The following CPA6 variants were observed in gnomAD, a reference collection of about 807,000 sequenced individuals.
The protein encoded by CPA6 is carboxypeptidase A6.
In CPA6, 58 loss-of-function variants were observed where a neutral mutation model predicts 63.3. The observed-to-expected ratio is 0.92, with a 90% CI of 0.74 to 1.14. CPA6 has a LOEUF of 1.14. Ranked by LOEUF, CPA6 falls within the 50% of genes most tolerant of loss-of-function variation. The pLI, the probability that CPA6 is intolerant of heterozygous loss-of-function variation, is 0.00. For missense variants in CPA6, 565 were observed against 526.6 expected (o/e 1.07, Z -0.71); for synonymous variants, 185 against 179.0 (o/e 1.03, Z -0.27).
intron 2 of CPA6, among the ~76,000 whole-genome samples, chr8:67,558,769 A>C (rs1277425743): frequency 6.6e-6 from 1 of 152,226 alleles, no homozygotes; most frequent in East Asian, 1.9e-4. Flanking sequence ...GAACCAGGCA[A>C]ATGCACATCA....
intron 2 of CPA6, among the ~76,000 whole-genome samples, chr8:67,601,295 C>T (rs1373293794): frequency 6.6e-6 from 1 of 152,146 alleles, no homozygotes; most frequent in African/African-American, 2.4e-5. Context: ...ATGCTTAACC[C>T]TGCTATAGAT....
At chr8:67,569,484 A>T in intron 2 of CPA6, 1 of 368,958 alleles carries the variant, frequency 2.7e-6, no homozygotes, top group Non-Finnish European at 5.6e-6. Context: ...AGGCTAAGAC[A>T]GGGTCTGTAA....
At chr8:67,641,198 G>C (rs1217809783) in intron 1 of CPA6, among the ~76,000 whole-genome samples, 1 of 151,792 alleles carries the variant, frequency 6.6e-6, no homozygotes, top group Non-Finnish European at 1.5e-5. Context: ...AACCTACCAA[G>C]ATAAAATTAA....
At chr8:67,644,340 G>C (rs1815666330) in intron 1 of CPA6, among the ~76,000 whole-genome samples, 1 of 152,090 alleles carries the variant, frequency 6.6e-6, no homozygotes, top group Non-Finnish European at 1.5e-5. Context: ...GGATGGTCTC[G>C]ATCTCCTGAC....
At chr8:67,448,062 G>A (rs1399456933) in intron 8 of CPA6, among the ~76,000 whole-genome samples, 1 of 152,232 alleles carries the variant, frequency 6.6e-6, no homozygotes, top group African/African-American at 2.4e-5. Context: ...TGGGATTACA[G>A]GTGTGAGCCA....
At chr8:67,621,509 G>C (rs535118424) in intron 2 of CPA6, among the ~76,000 whole-genome samples, 1 of 152,308 alleles carries the variant, frequency 6.6e-6, no homozygotes, top group African/African-American at 2.4e-5. Flanking sequence ...TTGGGTCCTA[G>C]AGGGCTTGAC....
rs1811437940 is a variant in CPA6 at position 67,484,706 on chromosome 8, G to C, written c.720C>G (p.Val240=). The change falls in exon 7 of 11, where the codon GTC becomes GTG. Residue 240 remains valine (V), a synonymous_variant. Transcript: ENST00000297770. ...LYFYIMPVFN[V]DGYHFSWTND... Reference sequence around the variant, plus strand: ...TGGTCCAACTAAAATGGTATCCATCGACGTTAAACACAGGCATGATATAGA... The same window carrying C: ...TGGTCCAACTAAAATGGTATCCATCCACGTTAAACACAGGCATGATATAGA... 1 of 1,601,388 alleles carries C rather than the reference G, an allele frequency of 6.2e-7. No individual in the cohort carries two copies. Among genetic ancestry groups the C allele is most frequent in the Non-Finnish European group, 8.6e-7 (1 of 1,168,942 alleles).
chr8:67,442,133 T>C (rs993841663), intron 8 of CPA6, among the ~76,000 whole-genome samples: 2 of 152,058 alleles, frequency 1.3e-5, no homozygotes, highest in African/African-American at 4.8e-5. Context: ...TGTAATAATA[T>C]AAAGGGCTTA....
intron 2 of CPA6, among the ~76,000 whole-genome samples, chr8:67,534,175 C>T (rs932577480): frequency 6.6e-6 from 1 of 152,210 alleles, no homozygotes; most frequent in Non-Finnish European, 1.5e-5. Flanking sequence ...GCTCAAGGAC[C>T]TTGCACATAG....
At chr8:67,461,460 A>G (rs374470497) in intron 8 of CPA6, among the ~76,000 whole-genome samples, 2 of 150,884 alleles carry the variant, frequency 1.3e-5, no homozygotes, top group Non-Finnish European at 3.0e-5. Flanking sequence ...CATGTCTACT[A>G]CTTTCTACAC....
chr8:67,603,042 G>C (rs1442022046), intron 2 of CPA6, among the ~76,000 whole-genome samples: 1 of 152,152 alleles, frequency 6.6e-6, no homozygotes, highest in Non-Finnish European at 1.5e-5. Flanking sequence ...AAGAAGCTAA[G>C]TGTGACAAAA....
At position 67,684,063 on chromosome 8, in the gene CPA6, T is replaced by A. The variant is rs549840767; in HGVS notation, c.117-59812A>T. ...ATTTTATTTATTTATTTATTTTTTT[T>A]TTTTGTAGAGATGGGGTTTTGCTAT... On this transcript the variant is annotated intron_variant, in intron 1 of 10. Coordinates refer to ENST00000297770, the MANE Select transcript of CPA6 (RefSeq NM_020361.5). 2.8e-3 allele frequency among the ~76,000 whole-genome samples: 413 copies of A among 146,996 alleles called. 4 individuals are homozygous for A. Among genetic ancestry groups the A allele is most frequent in the African/African-American group, 9.5e-3 (383 of 40,314 alleles).
chr8:67,667,962 G>C (rs567725480), intron 1 of CPA6, among the ~76,000 whole-genome samples: 1 of 152,192 alleles, frequency 6.6e-6, no homozygotes, highest in Non-Finnish European at 1.5e-5. Context: ...CAGTAGCCAC[G>C]GCCACACATC....
intron 8 of CPA6, among the ~76,000 whole-genome samples, chr8:67,447,503 G>GTA (rs1448306840): frequency 8.8e-6 from 1 of 113,368 alleles, no homozygotes; most frequent in African/African-American, 3.6e-5. Context: ...AGATATGTGT[G>GTA]TATACACACA....
intron 1 of CPA6, among the ~76,000 whole-genome samples, chr8:67,635,569 A>T (rs1815449329): frequency 6.6e-6 from 1 of 151,518 alleles, no homozygotes. Flanking sequence ...GGAGTTTGAG[A>T]CCAGCCTGAC....
intron 10 of CPA6, among the ~76,000 whole-genome samples, chr8:67,426,010 C>T (rs991698859): frequency 3.3e-5 from 5 of 151,972 alleles, no homozygotes; most frequent in Admixed American, 6.5e-5. Flanking sequence ...GATTCTCCTG[C>T]CTCAGCCTCC....
intron 1 of CPA6, among the ~76,000 whole-genome samples, chr8:67,662,878 T>G (rs2128993133): frequency 6.6e-6 from 1 of 152,140 alleles, no homozygotes; most frequent in South Asian, 2.1e-4. Flanking sequence ...AACAAAGCGG[T>G]TTCTTAACAA....
chr8:67,475,809 C>CTT (rs1263715105), intron 8 of CPA6, among the ~76,000 whole-genome samples: 1 of 48,064 alleles, frequency 2.1e-5, no homozygotes, highest in Non-Finnish European at 3.8e-5. Context: ...TTCTTTCTTT[C>CTT]TTTCTTTCCT....
chr8:67,444,296 T>C (rs1444405844), intron 8 of CPA6, among the ~76,000 whole-genome samples: 3 of 152,058 alleles, frequency 2.0e-5, no homozygotes, highest in Admixed American at 6.5e-5. Context: ...ACGACAGTAG[T>C]TGTTTTGAAT....
Sources: allele counts gnomAD v4.1 joint callset (sites outside exome capture counted in the v4.1 genomes callset), GRCh38; gene constraint gnomAD v4.1.1; transcripts MANE v1.5; gene names NCBI Gene and HGNC (gene_info 2026-07-23, HGNC 2026-07-21).